Variants in ENTREP2 observed in about 807,000 individuals in gnomAD.
ENTREP2 encodes endosomal transmembrane epsin interactor 2.
At chr15:29,269,541 G>A in the ENTREP2 span, 1 of 1,510,670 alleles carries the variant, frequency 6.6e-7, no homozygotes, top group Admixed American at 2.2e-5. Context: ...CCTGCGAGCC[G>A]CCCGGCCCGC....
the ENTREP2 span, among the ~76,000 whole-genome samples, chr15:29,323,767 G>A: frequency 6.6e-6 from 1 of 152,056 alleles, no homozygotes; most frequent in Non-Finnish European, 1.5e-5. Context: ...TGCTGTGTGG[G>A]GAAAACCCCC....
the ENTREP2 span, among the ~76,000 whole-genome samples, chr15:29,663,692 A>G: frequency 1.3e-5 from 2 of 152,050 alleles, no homozygotes; most frequent in Non-Finnish European, 1.5e-5. Flanking sequence ...GAAGGGGAAC[A>G]TCACACCCCG....
chr15:29,448,999 G>T, the ENTREP2 span, among the ~76,000 whole-genome samples: 8,026 of 152,266 alleles, frequency 0.053, 298 homozygotes, highest in Non-Finnish European at 0.073. Flanking sequence ...CTGGGATGGA[G>T]CACCTCCTTC....
the ENTREP2 span, among the ~76,000 whole-genome samples, chr15:29,134,029 A>C: frequency 6.6e-6 from 1 of 150,702 alleles, no homozygotes; most frequent in African/African-American, 2.4e-5. Context: ...ACCCAGCCTG[A>C]CCTCCCAGAC....
the ENTREP2 span, chr15:29,268,767 C>G: frequency 6.3e-7 from 1 of 1,576,302 alleles, no homozygotes; most frequent in African/African-American, 1.4e-5. Flanking sequence ...ACCCTTGTCC[C>G]GGGGGTCCCT....
At chr15:29,475,894 T>C in the ENTREP2 span, among the ~76,000 whole-genome samples, 9 of 152,190 alleles carry the variant, frequency 5.9e-5, no homozygotes, top group African/African-American at 2.2e-4. Context: ...ACAGGTCTCC[T>C]ACTTCCCTGC....
the ENTREP2 span, among the ~76,000 whole-genome samples, chr15:29,297,376 C>T: frequency 2.0e-5 from 3 of 152,130 alleles, no homozygotes; most frequent in Non-Finnish European, 4.4e-5. Context: ...ATGATCTTTA[C>T]AAAAACACCA....
the ENTREP2 span, among the ~76,000 whole-genome samples, chr15:29,324,141 C>T: frequency 6.6e-6 from 1 of 151,970 alleles, no homozygotes; most frequent in African/African-American, 2.4e-5. Context: ...CATTCTGTGG[C>T]CCAGGCTAGA....
chr15:29,457,807 T>G, the ENTREP2 span, among the ~76,000 whole-genome samples: 1 of 152,170 alleles, frequency 6.6e-6, no homozygotes, highest in African/African-American at 2.4e-5. Context: ...TGATTTTGCT[T>G]GCCTCCATCA....
At chr15:29,124,171 C>G in the ENTREP2 span, among the ~76,000 whole-genome samples, 2 of 152,200 alleles carry the variant, frequency 1.3e-5, no homozygotes, top group South Asian at 2.1e-4. Flanking sequence ...GGACCTGGCT[C>G]CAGCTCCCCA....
chr15:29,462,564 C>T, the ENTREP2 span, among the ~76,000 whole-genome samples: 1 of 151,958 alleles, frequency 6.6e-6, no homozygotes, highest in African/African-American at 2.4e-5. Context: ...GAGCCAAGGT[C>T]GCACCACTGC....
the ENTREP2 span, chr15:29,269,909 C>T: frequency 3.9e-6 from 2 of 513,532 alleles, no homozygotes; most frequent in Admixed American, 4.3e-5. Context: ...AAAGGAACAG[C>T]GTTTTCCGTG....
the ENTREP2 span, chr15:29,123,531 C>T: frequency 1.3e-6 from 2 of 1,551,590 alleles, no homozygotes; most frequent in Non-Finnish European, 1.7e-6. Flanking sequence ...AAGAGCGTGG[C>T]CGCTCTTTGG....
the ENTREP2 span, among the ~76,000 whole-genome samples, chr15:29,252,951 C>T: frequency 6.6e-6 from 1 of 152,188 alleles, no homozygotes; most frequent in Non-Finnish European, 1.5e-5. Flanking sequence ...AATTAATCCA[C>T]TTACGGCCAA....
At chr15:29,386,355 C>T in the ENTREP2 span, among the ~76,000 whole-genome samples, 9 of 152,282 alleles carry the variant, frequency 5.9e-5, no homozygotes, top group Middle Eastern at 3.4e-3. Context: ...CTCCCCAAAA[C>T]CTACCCATCT....
the ENTREP2 span, among the ~76,000 whole-genome samples, chr15:29,534,675 C>T: frequency 6.6e-6 from 1 of 152,170 alleles, no homozygotes; most frequent in South Asian, 2.1e-4. Flanking sequence ...TCTCGGTCCA[C>T]AGAGGCACCC....
chr15:29,430,651 A>AAAAC, the ENTREP2 span, among the ~76,000 whole-genome samples: 4,754 of 147,276 alleles, frequency 0.032, 269 homozygotes, highest in African/African-American at 0.12. Flanking sequence ...CTCCATCTCA[A>AAAAC]AAACAAACAA....
the ENTREP2 span, among the ~76,000 whole-genome samples, chr15:29,357,131 T>C: frequency 6.6e-6 from 1 of 151,960 alleles, no homozygotes; most frequent in Non-Finnish European, 1.5e-5. Context: ...TGGTCACGCA[T>C]AAAAGAAGAA....
the ENTREP2 span, among the ~76,000 whole-genome samples, chr15:29,410,580 T>TC: frequency 1.1e-3 from 166 of 152,156 alleles, no homozygotes; most frequent in Non-Finnish European, 1.2e-3. Context: ...TAGCTATCCT[T>TC]CCTCCCTGCC....
Sources: gnomAD v4.1 joint callset for allele counts (sites outside exome capture counted in the v4.1 genomes callset) on GRCh38, gnomAD v4.1.1 for gene constraint, MANE v1.5 for transcripts, NCBI Gene and HGNC (gene_info 2026-07-23, HGNC 2026-07-21) for gene names.